GHR: variants seen among roughly 807,000 people sequenced by gnomAD.
The protein encoded by GHR is growth hormone receptor.
In GHR, 35 loss-of-function variants were observed where a neutral mutation model predicts 67.1. The ratio of observed to expected loss-of-function variants is 0.52; its 90% CI spans 0.40 to 0.69. The LOEUF is 0.69. Ranked by LOEUF, GHR falls within the 30% of genes least tolerant of loss-of-function variation. The pLI is 0.00. For missense variants in GHR, 792 were observed against 764.6 expected (o/e 1.04, Z -0.42); for synonymous variants, 272 against 269.1 (o/e 1.01, Z -0.10).
chr5:42,503,197 T>G (rs985211815), intron 1 of GHR, among the ~76,000 whole-genome samples: 1 of 152,200 alleles, frequency 6.6e-6, no homozygotes, highest in African/African-American at 2.4e-5. Flanking sequence ...AAAAATTCCT[T>G]GTATTGGCAT....
intron 7 of GHR, among the ~76,000 whole-genome samples, chr5:42,712,800 G>A (rs193142627): frequency 1.3e-5 from 2 of 151,736 alleles, no homozygotes; most frequent in African/African-American, 4.8e-5. Flanking sequence ...ACCTGAAGAT[G>A]GGAGCCTCAG....
intron 1 of GHR, among the ~76,000 whole-genome samples, chr5:42,435,438 C>T (rs1743281213): frequency 6.6e-6 from 1 of 152,170 alleles, no homozygotes; most frequent in African/African-American, 2.4e-5. Context: ...TTCTACCTTG[C>T]CAGCGATGAG....
At chr5:42,473,628 C>A (rs1240039747) in intron 1 of GHR, among the ~76,000 whole-genome samples, 1 of 152,174 alleles carries the variant, frequency 6.6e-6, no homozygotes, top group African/African-American at 2.4e-5. Flanking sequence ...CCTGTAATCC[C>A]AGCACTTTGG....
At chr5:42,685,205 G>C (rs1277388248) in intron 3 of GHR, among the ~76,000 whole-genome samples, 1 of 152,082 alleles carries the variant, frequency 6.6e-6, no homozygotes, top group Non-Finnish European at 1.5e-5. Flanking sequence ...TTGGTTTTCT[G>C]TTCTTGTGTT....
intron 1 of GHR, among the ~76,000 whole-genome samples, chr5:42,556,364 C>A (rs1749309562): frequency 6.6e-6 from 1 of 151,970 alleles, no homozygotes; most frequent in Non-Finnish European, 1.5e-5. Context: ...GTCTCCTATA[C>A]CTTATTTATC....
chr5:42,546,514 A>G (rs142689177), intron 1 of GHR, among the ~76,000 whole-genome samples: 36 of 152,308 alleles, frequency 2.4e-4, no homozygotes, highest in African/African-American at 8.2e-4. Flanking sequence ...TCATGTGACC[A>G]CAGTTAGCTG....
intron 3 of GHR, among the ~76,000 whole-genome samples, chr5:42,640,471 A>G (rs1185509456): frequency 6.6e-6 from 1 of 152,046 alleles, no homozygotes; most frequent in Non-Finnish European, 1.5e-5. Context: ...TGCTGTTACT[A>G]CTACTGCTAT....
intron 1 of GHR, chr5:42,468,083 C>G (rs1744815733): frequency 3.9e-6 from 4 of 1,021,568 alleles, no homozygotes; most frequent in Non-Finnish European, 6.0e-6. Context: ...AGCTTCCTCA[C>G]GTATCTCAGT....
chr5:42,647,186 T>C (rs1754775124), intron 3 of GHR, among the ~76,000 whole-genome samples: 1 of 152,172 alleles, frequency 6.6e-6, no homozygotes, highest in Admixed American at 6.5e-5. Flanking sequence ...TGAGCTGTAC[T>C]GTGCAAAGTT....
chr5:42,646,958 C>A (rs1265979946), intron 3 of GHR, among the ~76,000 whole-genome samples: 1 of 152,158 alleles, frequency 6.6e-6, no homozygotes, highest in African/African-American at 2.4e-5. Context: ...AATTGTTGTT[C>A]AGAGAAGGAT....
At chr5:42,524,400 T>C (rs1212979394) in intron 1 of GHR, among the ~76,000 whole-genome samples, 1 of 151,976 alleles carries the variant, frequency 6.6e-6, no homozygotes, top group African/African-American at 2.4e-5. Context: ...ACTTTGAAAG[T>C]GAGAGATGAT....
At chr5:42,507,980 G>A (rs1270425613) in intron 1 of GHR, among the ~76,000 whole-genome samples, 2 of 152,222 alleles carry the variant, frequency 1.3e-5, no homozygotes, top group African/African-American at 4.8e-5. Flanking sequence ...ATATGCTATA[G>A]GAGGAGGGCC....
Position 42,718,074 on chromosome 5 carries a change from C to A in GHR, c.898C>A (p.Pro300Thr). ...QQRIKMLILP[P>T]VPVPKIKGID... ...AAGGATTAAAATGCTGATTCTGCCC[C>A]CAGTTCCAGTTCCAAAGATTAAAGG... The change falls in exon 9 of 10, where the codon CCA becomes ACA. Residue 300 changes from proline (P) to threonine (T), a missense_variant. Coordinates refer to ENST00000230882, the MANE Select transcript of GHR (RefSeq NM_000163.5). 1 of 1,590,056 alleles carries A rather than the reference C, an allele frequency of 6.3e-7. No individual in the cohort carries two copies. The highest frequency in any genetic ancestry group is 8.6e-7 in the Non-Finnish European group (1 of 1,158,646).
intron 6 of GHR, among the ~76,000 whole-genome samples, chr5:42,704,432 A>G (rs1288829257): frequency 1.3e-5 from 2 of 151,884 alleles, no homozygotes; most frequent in Non-Finnish European, 2.9e-5. Flanking sequence ...TGTTCCTTTT[A>G]GTGTGCTTTT....
chr5:42,463,332 C>T (rs1241331946), intron 1 of GHR, among the ~76,000 whole-genome samples: 3 of 152,132 alleles, frequency 2.0e-5, no homozygotes, highest in African/African-American at 7.2e-5. Flanking sequence ...GTTTTTATGC[C>T]TTGTTGGCCA....
At position 42,424,916 on chromosome 5, in the gene GHR, C is replaced by T; in HGVS notation, c.-12+961C>T. On this transcript the variant is annotated intron_variant, in intron 1 of 9. Transcript: ENST00000230882. The surrounding 1 kb of genome is among the most constrained non-coding windows in gnomAD (Gnocchi z 4.1). Reference sequence around the variant, plus strand: ...TACGTGTGCGCTGTGTGTGCGCGCGCGAGTGTGCGCCTGGGGAGGCGTGTC... The same window carrying T: ...TACGTGTGCGCTGTGTGTGCGCGCGTGAGTGTGCGCCTGGGGAGGCGTGTC... 1 of 790,914 alleles carries T rather than the reference C, an allele frequency of 1.3e-6. No individual in the cohort carries two copies. The highest frequency in any genetic ancestry group is 1.5e-6 in the Non-Finnish European group (1 of 652,304). 49.0% of individuals were successfully genotyped at this position (790,914 alleles called of 1,614,324 possible).
chr5:42,695,680 G>C (rs180908940), intron 5 of GHR, among the ~76,000 whole-genome samples: 1 of 152,244 alleles, frequency 6.6e-6, no homozygotes, highest in East Asian at 1.9e-4. Context: ...CCATCATATG[G>C]ACACAAGGTG....
intron 1 of GHR, chr5:42,565,377 A>G: frequency 1.2e-6 from 1 of 803,192 alleles, no homozygotes; most frequent in Non-Finnish European, 1.5e-6. Context: ...ACTCGTTTTG[A>G]GTGGTTTGAG....
intron 3 of GHR, among the ~76,000 whole-genome samples, chr5:42,686,362 A>T (rs898576177): frequency 2.6e-5 from 4 of 152,192 alleles, no homozygotes; most frequent in Admixed American, 2.6e-4. Context: ...GTATGAAGTC[A>T]GAGACACAAT....
Sources: allele counts gnomAD v4.1 joint callset (sites outside exome capture counted in the v4.1 genomes callset), GRCh38; gene constraint gnomAD v4.1.1; non-coding constraint Gnocchi (gnomAD v3.1); transcripts MANE v1.5; gene names NCBI Gene and HGNC (gene_info 2026-07-23, HGNC 2026-07-21).